The following ACTR3 variants were observed in gnomAD, a reference collection of about 807,000 sequenced individuals.
ACTR3 encodes the protein actin related protein 3, also known as actin-related protein 3.
ACTR3 carries 12 observed loss-of-function variants against 56.8 expected under a neutral mutation model. The ratio of observed to expected loss-of-function variants is 0.21; its 90% CI spans 0.14 to 0.34. ACTR3 has a LOEUF of 0.34. Among genes scored for constraint, ACTR3 ranks in the 10% least tolerant of loss-of-function variants. ACTR3 has a pLI of 1.00. For synonymous variants in ACTR3, 162 were observed against 167.4 expected, an observed-to-expected ratio of 0.97 and a Z score of 0.25; for missense variants, 282 against 512.5, an observed-to-expected ratio of 0.55 and a Z score of 4.34.
intron 1 of ACTR3, among the ~76,000 whole-genome samples, chr2:113,908,595 A>G (rs761460293): frequency 1.2e-4 from 18 of 152,048 alleles, no homozygotes; most frequent in Middle Eastern, 3.4e-3. Flanking sequence ...ATTAAAAAGT[A>G]TTTTTTTAGT....
chr2:113,912,864 G>T (rs1468691219), intron 1 of ACTR3, among the ~76,000 whole-genome samples: 1 of 152,134 alleles, frequency 6.6e-6, no homozygotes, highest in East Asian at 1.9e-4. Flanking sequence ...CAGTTTGATT[G>T]ATATTTAGGT....
chr2:113,920,647 C>G (rs969765038), intron 3 of ACTR3, among the ~76,000 whole-genome samples: 12 of 152,204 alleles, frequency 7.9e-5, no homozygotes, highest in African/African-American at 2.9e-4. Context: ...TCCCTTCTTT[C>G]CCCTACCCTT....
chr2:113,893,579 A>C (rs1485415156), intron 1 of ACTR3, among the ~76,000 whole-genome samples: 2 of 152,136 alleles, frequency 1.3e-5, no homozygotes, highest in African/African-American at 2.4e-5. Flanking sequence ...GGTGTGAGCC[A>C]CCGCGCCCAG....
At chr2:113,930,189 G>C (rs973563126) in intron 4 of ACTR3, among the ~76,000 whole-genome samples, 5 of 151,200 alleles carry the variant, frequency 3.3e-5, no homozygotes, top group Non-Finnish European at 5.9e-5. Flanking sequence ...TCACTGCCTT[G>C]GTTTTTAGTT....
chr2:113,895,871 G>GT (rs1454866185), intron 1 of ACTR3, among the ~76,000 whole-genome samples: 1 of 151,600 alleles, frequency 6.6e-6, no homozygotes, highest in Admixed American at 6.6e-5. Context: ...GGTTTTTTTT[G>GT]TTTGTTTTTG....
intron 1 of ACTR3, among the ~76,000 whole-genome samples, chr2:113,900,237 A>G (rs540427169): frequency 6.6e-6 from 1 of 152,142 alleles, no homozygotes; most frequent in South Asian, 2.1e-4. Context: ...TCAATTTTAG[A>G]ACATTTTCAT....
At chr2:113,906,624 A>G (rs1049584508) in intron 1 of ACTR3, among the ~76,000 whole-genome samples, 2 of 152,160 alleles carry the variant, frequency 1.3e-5, no homozygotes, top group Admixed American at 1.3e-4. Flanking sequence ...TCTGTGATCA[A>G]CTTTGAGTTA....
chr2:113,911,956 C>T (rs1226347217), intron 1 of ACTR3, among the ~76,000 whole-genome samples: 2 of 152,032 alleles, frequency 1.3e-5, no homozygotes, highest in East Asian at 1.9e-4. Flanking sequence ...AGGCTGGTCT[C>T]GAACTCCTGT....
chr2:113,929,415 A>G (rs1372270936), intron 4 of ACTR3, among the ~76,000 whole-genome samples: 1 of 152,048 alleles, frequency 6.6e-6, no homozygotes, highest in Non-Finnish European at 1.5e-5. Flanking sequence ...TGCTGCCACC[A>G]TGCCTGGCTT....
chr2:113,921,868 TTACC>T, intron 3 of ACTR3, among the ~76,000 whole-genome samples: 1 of 152,144 alleles, frequency 6.6e-6, no homozygotes, highest in Non-Finnish European at 1.5e-5. Flanking sequence ...CGGGTTGACA[TTACC>T]TAGGGGAACA....
intron 11 of ACTR3, among the ~76,000 whole-genome samples, chr2:113,956,846 T>C (rs1187980547): frequency 2.0e-5 from 3 of 152,220 alleles, no homozygotes; most frequent in African/African-American, 7.2e-5. Flanking sequence ...TATAACCTAG[T>C]TGAGTTTGTG....
intron 8 of ACTR3, among the ~76,000 whole-genome samples, chr2:113,950,411 G>A (rs1306690611): frequency 6.6e-6 from 1 of 152,192 alleles, no homozygotes; most frequent in African/African-American, 2.4e-5. Context: ...TATGAGAGCT[G>A]AAACTAGATA....
At chr2:113,893,007 A>G (rs1678934748) in intron 1 of ACTR3, among the ~76,000 whole-genome samples, 1 of 148,678 alleles carries the variant, frequency 6.7e-6, no homozygotes, top group Non-Finnish European at 1.5e-5. Context: ...TTGAAAAGAA[A>G]TGCTTCATTC....
At chr2:113,945,433 CCTTTCAGATTAGTT>C (rs1679998734) in intron 8 of ACTR3, among the ~76,000 whole-genome samples, 2 of 152,114 alleles carry the variant, frequency 1.3e-5, no homozygotes, top group African/African-American at 4.8e-5. Flanking sequence ...ATGCTAGCCT[CCTTTCAGATTAGTT>C]CTTTCTAGAC....
At chr2:113,931,974 A>G (rs919887803) in intron 5 of ACTR3, among the ~76,000 whole-genome samples, 7 of 150,922 alleles carry the variant, frequency 4.6e-5, no homozygotes, top group African/African-American at 1.7e-4. Context: ...TATTTCTATT[A>G]AATGTAGATA....
intron 1 of ACTR3, among the ~76,000 whole-genome samples, chr2:113,903,084 A>C (rs1679131323): frequency 6.6e-6 from 1 of 152,238 alleles, no homozygotes; most frequent in African/African-American, 2.4e-5. Context: ...AGCTTAGATC[A>C]CTAGTACTTA....
At chr2:113,946,941 A>G (rs1241923964) in intron 8 of ACTR3, among the ~76,000 whole-genome samples, 1 of 152,206 alleles carries the variant, frequency 6.6e-6, no homozygotes, top group African/African-American at 2.4e-5. Flanking sequence ...CAGGATTGAA[A>G]TATTGTATTC....
At position 113,957,445 on chromosome 2, in the gene ACTR3, T is replaced by G; in HGVS notation, c.1247T>G (p.Val416Gly). ...TGTCGTCACAATCCAGTGTTTGGAGTCATGTCGTAAAATTGGCTTCATAGT... is the reference window on the plus strand; with the variant it reads ...TGTCGTCACAATCCAGTGTTTGGAGGCATGTCGTAAAATTGGCTTCATAGT... ...SICRHNPVFG[V>G]MS Residue 416 changes from valine to glycine, a missense_variant, in exon 12 of 12, where the codon GTC becomes GGC. Transcript: ENST00000263238. 6.2e-7 allele frequency: 1 copy of G among 1,612,726 alleles called. No individual in the cohort carries two copies. The highest frequency in any genetic ancestry group is 1.7e-5 in the Admixed American group (1 of 59,934).
intron 8 of ACTR3, among the ~76,000 whole-genome samples, chr2:113,944,790 A>G (rs1481588752): frequency 6.6e-6 from 1 of 151,952 alleles, no homozygotes; most frequent in Non-Finnish European, 1.5e-5. Flanking sequence ...GTGAAGAATA[A>G]TGACTTTCAT....
Sources: allele counts gnomAD v4.1 joint callset (sites outside exome capture counted in the v4.1 genomes callset), GRCh38; gene constraint gnomAD v4.1.1; transcripts MANE v1.5; gene names NCBI Gene and HGNC (gene_info 2026-07-23, HGNC 2026-07-21).